DNAH6: variants seen among roughly 807,000 people sequenced by gnomAD.
The protein encoded by DNAH6 is axonemal beta dynein heavy chain 6.
In DNAH6, 340 loss-of-function variants were observed where a neutral mutation model predicts 491.4. That is an observed-to-expected ratio of 0.69 (90% CI 0.63 to 0.76). The LOEUF is 0.76. Among genes scored for constraint, DNAH6 ranks in the 30% least tolerant of loss-of-function variants. DNAH6 has a pLI of 0.00. For synonymous variants in DNAH6, 1,603 were observed against 1,686.1 expected (o/e 0.95, Z 1.21); for missense variants, 4,443 against 4,972.2 (o/e 0.89, Z 3.20).
intron 45 of DNAH6, among the ~76,000 whole-genome samples, chr2:84,691,090 T>C (rs1021840267): frequency 9.2e-5 from 14 of 152,220 alleles, no homozygotes; most frequent in African/African-American, 3.4e-4. Flanking sequence ...GAGAACTATC[T>C]CTTGCCTACC....
intron 59 of DNAH6, among the ~76,000 whole-genome samples, chr2:84,722,349 G>C (rs1573605351): frequency 6.6e-6 from 1 of 152,254 alleles, no homozygotes; most frequent in East Asian, 1.9e-4. Flanking sequence ...GAGTAATTCA[G>C]ATTGAGTCTC....
At chr2:84,547,462 C>T (rs768969450) in intron 6 of DNAH6, 30 bp from the exon 7 acceptor site, 177 of 1,551,402 alleles carry the variant, frequency 1.1e-4, no homozygotes, top group Non-Finnish European at 1.5e-4. Context: ...ACTTCAGTAT[C>T]ACTAACTGTA....
Position 84,529,233 on chromosome 2 carries a change from A to G in DNAH6, c.662+67A>G. On this transcript the variant is annotated intron_variant, in intron 4 of 76. Coordinates refer to ENST00000389394, the MANE Select transcript of DNAH6 (RefSeq NM_001370.2). ...AATAAGATTTCACATATTATTTATAATTGATTGGATATTAATAATAACAAT... is the reference window on the plus strand; with the variant it reads ...AATAAGATTTCACATATTATTTATAGTTGATTGGATATTAATAATAACAAT... 5 of 1,154,616 alleles carry G rather than the reference A, an allele frequency of 4.3e-6. No homozygotes were observed. The South Asian group carries it at 8.6e-5, about 20-fold the overall frequency. 71.5% of individuals were successfully genotyped at this position (1,154,616 alleles called of 1,614,324 possible). A position where few individuals can be genotyped will look rare whatever the true frequency, so the allele number is the denominator to read the frequency against.
intron 3 of DNAH6, among the ~76,000 whole-genome samples, chr2:84,526,808 G>C (rs1285313616): frequency 1.3e-5 from 2 of 152,044 alleles, no homozygotes; most frequent in Non-Finnish European, 2.9e-5. Flanking sequence ...CTCCAGAAAA[G>C]ATCTGAGCCA....
At chr2:84,666,919 G>T (rs185522529) in intron 37 of DNAH6, among the ~76,000 whole-genome samples, 1 of 152,232 alleles carries the variant, frequency 6.6e-6, no homozygotes, top group East Asian at 1.9e-4. Flanking sequence ...CAACGGAACC[G>T]AACAGAGCCC....
chr2:84,503,519 C>T, the DNAH6 span, among the ~76,000 whole-genome samples: 7 of 152,076 alleles, frequency 4.6e-5, no homozygotes, highest in Non-Finnish European at 1.0e-4. Flanking sequence ...TTATTGCTCA[C>T]TAATGTTGTT....
intron 59 of DNAH6, among the ~76,000 whole-genome samples, chr2:84,719,393 A>G (rs1259871725): frequency 1.3e-5 from 2 of 152,214 alleles, no homozygotes; most frequent in African/African-American, 4.8e-5. Flanking sequence ...TAAAGAATGA[A>G]ATATTCTACA....
At chr2:84,701,065 A>G in intron 48 of DNAH6, 32 bp from the exon 49 acceptor site, 1 of 1,543,232 alleles carries the variant, frequency 6.5e-7, no homozygotes. Context: ...AAATGACACA[A>G]CAGATTTTCT....
chr2:84,736,975 T>C (rs1699583793), intron 62 of DNAH6, among the ~76,000 whole-genome samples: 1 of 152,136 alleles, frequency 6.6e-6, no homozygotes, highest in Admixed American at 6.6e-5. Flanking sequence ...TTGTCATTGA[T>C]GGCTCTCATT....
At chr2:84,676,326 T>C (rs1693232739) in intron 40 of DNAH6, among the ~76,000 whole-genome samples, 1 of 152,232 alleles carries the variant, frequency 6.6e-6, no homozygotes, top group Admixed American at 6.5e-5. Flanking sequence ...GTGCCTTCTG[T>C]TGGTGATTTT....
rs1332326586 is a variant in DNAH6 at position 84,624,500 on chromosome 2, A to G, written c.4233A>G (p.Gln1411=). The change falls in exon 28 of 77, where the codon CAA becomes CAG. Residue 1411 remains glutamine (Q), a synonymous_variant. Transcript: ENST00000389394. ...ETVESFDWQR[Q]LRYYWDIDLD... The stretch of plus-strand genomic sequence containing the variant: ...TTGAATCTTTTGACTGGCAGAGACA[A>G]CTGCGCTATTACTGGGATATAGACC... 2 of 1,551,946 alleles carry G rather than the reference A, an allele frequency of 1.3e-6. No individual in the cohort carries two copies. Among genetic ancestry groups the G allele is most frequent in the Non-Finnish European group, 1.7e-6 (2 of 1,146,992 alleles).
intron 45 of DNAH6, among the ~76,000 whole-genome samples, chr2:84,690,106 A>G (rs1348077383): frequency 6.6e-6 from 1 of 152,232 alleles, no homozygotes; most frequent in Non-Finnish European, 1.5e-5. Flanking sequence ...ACAGTAAAAT[A>G]CAGTGAGAGT....
chr2:84,739,591 TG>T (rs1252584609), intron 62 of DNAH6, among the ~76,000 whole-genome samples: 9 of 152,224 alleles, frequency 5.9e-5, no homozygotes, highest in African/African-American at 2.2e-4. Flanking sequence ...TTTGACAGAT[TG>T]GTCTTCAAGT....
Position 84,785,702 on chromosome 2 carries a change from A to G in DNAH6, c.11046A>G (p.Gly3682=). The G allele has an allele frequency of 6.5e-7, 1 of 1,545,356 alleles. No individual in the cohort carries two copies. ...CGTTTTTTGAAGAAAATATACTTGG[A>G]AAAAAATGGAGACAAATAATATTTG... The part of the protein sequence containing the change: ...TPSFFEENIL[G]KKWRQIIFGI... The change falls in exon 67 of 77, where the codon GGA becomes GGG. Residue 3682 remains glycine, a synonymous_variant. Coordinates refer to ENST00000389394, the MANE Select transcript of DNAH6 (RefSeq NM_001370.2).
chr2:84,717,883 G>C (rs561291580), intron 58 of DNAH6, among the ~76,000 whole-genome samples: 3 of 152,178 alleles, frequency 2.0e-5, no homozygotes, highest in African/African-American at 7.2e-5. Flanking sequence ...ACAAGCAAGC[G>C]TTAGAGACAG....
In DNAH6 at chr2:84,773,906, T is replaced by A. The variant is rs928891330; in HGVS notation, c.10704-7587T>A. ...TTCTTTTGAGAAGTGTCTATTCATA[T>A]CTTTTGTCCACTTTTTAATGGAGTT... On this transcript the variant is annotated intron_variant, in intron 64 of 76. Coordinates refer to ENST00000389394, the MANE Select transcript of DNAH6 (RefSeq NM_001370.2). Among the ~76,000 whole-genome samples, 3 of 152,150 alleles carry A rather than the reference T, an allele frequency of 2.0e-5. 1 individual carries two copies. Among genetic ancestry groups the A allele is most frequent in the African/African-American group, 7.2e-5 (3 of 41,470 alleles).
chr2:84,786,864 T>A (rs1424137936), intron 67 of DNAH6, among the ~76,000 whole-genome samples: 1 of 152,346 alleles, frequency 6.6e-6, no homozygotes, highest in South Asian at 2.1e-4. Flanking sequence ...AATTTTTTTT[T>A]CTGCTTTGAT....
At position 84,577,290 on chromosome 2, in the gene DNAH6, A is replaced by G. The variant is rs1400531878; in HGVS notation, c.1958A>G (p.Tyr653Cys). 2 of 1,593,014 alleles carry G rather than the reference A, an allele frequency of 1.3e-6. No homozygotes were observed. Among genetic ancestry groups the G allele is most frequent in the African/African-American group, 2.7e-5 (2 of 74,172 alleles). The change falls in exon 13 of 77, where the codon TAT becomes TGT. Residue 653 changes from tyrosine to cysteine, a missense_variant. By Grantham distance (194) the Tyr-to-Cys change is radical. This residue lies in a region of DNAH6 where 2,977 missense variants were observed against 3,296.6 expected (regional missense o/e 0.90). Coordinates refer to ENST00000389394, the MANE Select transcript of DNAH6 (RefSeq NM_001370.2). ...TTTTTTAGTGAACAACTGGAAAAAT[A>G]TCACAAACAGCACAAGGACGCAGTA... ...INFFSEQLEK[Y>C]HKQHKDAVAL...
At chr2:84,542,679 C>T (rs1439799425) in intron 4 of DNAH6, among the ~76,000 whole-genome samples, 1 of 152,086 alleles carries the variant, frequency 6.6e-6, no homozygotes, top group Non-Finnish European at 1.5e-5. Flanking sequence ...TTTTGTTACT[C>T]AGTTTTATTA....
Sources: gnomAD v4.1 joint callset for allele counts (sites outside exome capture counted in the v4.1 genomes callset) on GRCh38, gnomAD v4.1.1 for gene constraint, gnomAD v4.1.1 regional missense constraint, MANE v1.5 for transcripts, NCBI Gene and HGNC (gene_info 2026-07-23, HGNC 2026-07-21) for gene names.